The following PLEKHA1 variants were observed in gnomAD, a reference collection of about 807,000 sequenced individuals.
PLEKHA1 encodes pleckstrin homology domain-containing family A member 1.
PLEKHA1 carries 34 observed loss-of-function variants against 52.0 expected under a neutral mutation model. That is an observed-to-expected ratio of 0.65 (90% CI 0.50 to 0.87). PLEKHA1 has a LOEUF of 0.87. Ranked by LOEUF, PLEKHA1 falls within the 40% of genes least tolerant of loss-of-function variation. PLEKHA1 has a pLI of 0.00. For synonymous variants in PLEKHA1, 163 were observed against 170.7 expected (o/e 0.95, Z 0.35); for missense variants, 497 against 504.2 (o/e 0.99, Z 0.14).
At position 122,431,060 on chromosome 10, in the gene PLEKHA1, T is replaced by C. The variant is rs1187389506; in HGVS notation, c.*1122T>C. 6.6e-6 allele frequency: 1 copy of C among 152,578 alleles called. No homozygotes were observed. Among genetic ancestry groups the C allele is most frequent in the African/African-American group, 2.4e-5 (1 of 41,448 alleles). The allele number at this position is 152,578 out of a possible 1,614,324, so 9.5% of individuals were successfully genotyped here. ...ACATTTAATCATAGGGATATAGATA[T>C]AAGCACCTCTCTAAAGAATCTTTAG... On this transcript the variant is annotated 3_prime_UTR_variant, in exon 12 of 12. Coordinates refer to ENST00000368990, the MANE Select transcript of PLEKHA1 (RefSeq NM_001001974.4).
At position 122,426,925 on chromosome 10, in the gene PLEKHA1, G is replaced by A. The variant is rs1316828641; in HGVS notation, c.811-17G>A. Reference sequence around the variant, plus strand: ...TTTTGAGAAAAAATTGTTTGAATGAGTTCTTTTTTCCTTTAGGCTGATAGC... The same window carrying A: ...TTTTGAGAAAAAATTGTTTGAATGAATTCTTTTTTCCTTTAGGCTGATAGC... On this transcript the variant is annotated splice_polypyrimidine_tract_variant and intron_variant, in intron 10 of 11. Transcript: ENST00000368990. 2 of 1,601,910 alleles carry A rather than the reference G, an allele frequency of 1.2e-6. No individual in the cohort carries two copies. The highest frequency in any genetic ancestry group is 1.7e-6 in the Non-Finnish European group (2 of 1,170,388).
At chr10:122,411,202 G>A (rs1397828915) in intron 5 of PLEKHA1, among the ~76,000 whole-genome samples, 2 of 152,148 alleles carry the variant, frequency 1.3e-5, no homozygotes, top group Non-Finnish European at 2.9e-5. Context: ...GCGGATGAGG[G>A]CATTGTAGTA....
intron 4 of PLEKHA1, among the ~76,000 whole-genome samples, chr10:122,404,354 T>C (rs544550650): frequency 2.3e-4 from 35 of 152,316 alleles, no homozygotes; most frequent in Non-Finnish European, 4.3e-4. Context: ...AGATATATAT[T>C]TGCATCTCTT....
At chr10:122,378,169 A>C (rs542802242) in intron 1 of PLEKHA1, among the ~76,000 whole-genome samples, 1 of 152,266 alleles carries the variant, frequency 6.6e-6, no homozygotes, top group South Asian at 2.1e-4. Context: ...GAGGGCTTCT[A>C]ATGTAGCATC....
At chr10:122,404,875 T>A (rs1412744257) in intron 4 of PLEKHA1, among the ~76,000 whole-genome samples, 1 of 152,238 alleles carries the variant, frequency 6.6e-6, no homozygotes, top group Non-Finnish European at 1.5e-5. Context: ...TTGTGTGTTT[T>A]CCTTGAGAGT....
chr10:122,429,536 T>C (rs2097395600), intron 11 of PLEKHA1, 88 bp from the exon 12 acceptor site: 1 of 1,117,912 alleles, frequency 8.9e-7, no homozygotes, highest in Non-Finnish European at 1.3e-6. Flanking sequence ...GTGTGTTTTA[T>C]TTGTTTTTCA....
At chr10:122,429,571 A>G in intron 11 of PLEKHA1, 53 bp from the exon 12 acceptor site, 11 of 1,531,252 alleles carry the variant, frequency 7.2e-6, no homozygotes, top group Non-Finnish European at 9.8e-6. Context: ...ACACTGAGTT[A>G]CTAACCTGGT....
At chr10:122,375,564 G>GT (rs1480252313) in intron 1 of PLEKHA1, among the ~76,000 whole-genome samples, 1 of 152,230 alleles carries the variant, frequency 6.6e-6, no homozygotes, top group Non-Finnish European at 1.5e-5. Context: ...TTTGTGGTTT[G>GT]TTTCAGATGC....
At chr10:122,403,345 A>G (rs1590597683) in intron 4 of PLEKHA1, among the ~76,000 whole-genome samples, 2 of 152,156 alleles carry the variant, frequency 1.3e-5, no homozygotes, top group African/African-American at 4.8e-5. Context: ...ATGATAAAAT[A>G]CCTTAGAACC....
intron 1 of PLEKHA1, among the ~76,000 whole-genome samples, chr10:122,375,324 A>C (rs2096514451): frequency 6.6e-6 from 1 of 151,938 alleles, no homozygotes; most frequent in African/African-American, 2.4e-5. Flanking sequence ...CTGGTGTTTA[A>C]TGCATTTTGG....
chr10:122,386,935 A>G (rs954212868), intron 1 of PLEKHA1: 2 of 152,124 alleles, frequency 1.3e-5, no homozygotes, highest in African/African-American at 4.8e-5. Flanking sequence ...CAGTTTTTTC[A>G]AAGTTGTGTT....
At chr10:122,378,641 T>G (rs1227274791) in intron 1 of PLEKHA1, among the ~76,000 whole-genome samples, 1 of 150,824 alleles carries the variant, frequency 6.6e-6, no homozygotes, top group African/African-American at 2.4e-5. Flanking sequence ...GAGGCTGTTG[T>G]AGGAGGATCC....
intron 11 of PLEKHA1, 94 bp from the exon 12 acceptor site, chr10:122,429,530 G>T (rs2097394963): frequency 1.9e-5 from 17 of 886,196 alleles, no homozygotes; most frequent in East Asian, 2.9e-5. Flanking sequence ...GTGTGTGTGT[G>T]TTTTATTTGT....
At position 122,424,966 on chromosome 10, in the gene PLEKHA1, TG is replaced by T. The variant is rs1565326449; in HGVS notation, c.810+8del. 2 of 1,601,654 alleles carry T rather than the reference TG, an allele frequency of 1.2e-6. No homozygotes were observed. Among genetic ancestry groups the T allele is most frequent in the Non-Finnish European group, 1.7e-6 (2 of 1,173,276 alleles). On this transcript the variant is annotated splice_region_variant and intron_variant, in intron 10 of 11. Transcript: ENST00000368990. ...TCGAACTTTCTATGTGCAGGTAAGA[TG>T]CTTATTTGGCAATTAATAGATCCTC... is the stretch of plus-strand genomic sequence containing the variant.
downstream of PLEKHA1, chr10:122,436,345 C>T (rs542171938): frequency 3.3e-5 from 5 of 152,194 alleles, no homozygotes; most frequent in East Asian, 5.8e-4. Context: ...ATCATAGGTA[C>T]GTATCAAATT....
rs1313654965 is a variant in PLEKHA1, at chr10:122,393,124, A to G, written c.-20-57A>G. The stretch of plus-strand genomic sequence containing the variant: ...CCCTCATTGAACAGATTTGCAGTCC[A>G]TGAGAAATACTTTCCTGTTTCATAG... On this transcript the variant is annotated intron_variant, in intron 1 of 11. Transcript: ENST00000368990. This position sits in a 1 kb window ranked among gnomAD's most constrained non-coding sequence, Gnocchi z 4.5. The G allele has an allele frequency of 2.8e-6, 4 of 1,421,394 alleles. No individual in the cohort carries two copies. The highest frequency in any genetic ancestry group is 2.4e-5 in the East Asian group (1 of 41,256). The allele number at this position is 1,421,394 out of a possible 1,614,324, so 88.0% of individuals were successfully genotyped here.
intron 1 of PLEKHA1, among the ~76,000 whole-genome samples, chr10:122,381,622 G>A (rs2096616464): frequency 2.0e-5 from 3 of 152,136 alleles, no homozygotes; most frequent in Admixed American, 2.0e-4. Context: ...ACAGACTGTG[G>A]AACTGTGAGC....
intron 4 of PLEKHA1, 67 bp from the exon 5 acceptor site, chr10:122,406,509 C>A: frequency 7.7e-7 from 1 of 1,294,150 alleles, no homozygotes; most frequent in Non-Finnish European, 1.1e-6. Flanking sequence ...GGTTTTTCAG[C>A]TACTGCAAAC....
chr10:122,416,101 C>T (rs1292353108), intron 7 of PLEKHA1, 99 bp downstream of exon 7: 14 of 1,313,540 alleles, frequency 1.1e-5, no homozygotes, highest in Non-Finnish European at 6.1e-6. Context: ...TATGAAAGAC[C>T]CAAAGTGAGA....
Sources: allele counts gnomAD v4.1 joint callset (sites outside exome capture counted in the v4.1 genomes callset), GRCh38; gene constraint gnomAD v4.1.1; non-coding constraint Gnocchi (gnomAD v3.1); transcripts MANE v1.5; gene names NCBI Gene and HGNC (gene_info 2026-07-23, HGNC 2026-07-21).